The following RALYL variants were observed in gnomAD, a reference collection of about 807,000 sequenced individuals.
RALYL encodes the protein RNA-binding Raly-like protein.
A neutral mutation model predicts 35.1 loss-of-function variants in RALYL; 29 were observed. The ratio of observed to expected loss-of-function variants is 0.83; its 90% CI spans 0.61 to 1.13. The LOEUF (loss-of-function observed/expected upper bound fraction) is 1.13. Ranked by LOEUF, RALYL falls within the 50% of genes most tolerant of loss-of-function variation. The pLI, the probability that RALYL is intolerant of heterozygous loss-of-function variation, is 0.00. For synonymous variants in RALYL, 120 were observed against 127.6 expected, an observed-to-expected ratio of 0.94 and a Z score of 0.40; for missense variants, 359 against 360.4, an observed-to-expected ratio of 1.00 and a Z score of 0.03.
intron 2 of RALYL, among the ~76,000 whole-genome samples, chr8:84,618,385 G>T (rs1178630419): frequency 6.6e-6 from 1 of 151,384 alleles, no homozygotes; most frequent in Non-Finnish European, 1.5e-5. Context: ...TTGCATAGAG[G>T]TGTTTGTAGT....
chr8:84,706,733 C>T (rs1841286420), intron 2 of RALYL, among the ~76,000 whole-genome samples: 1 of 152,090 alleles, frequency 6.6e-6, no homozygotes, highest in Admixed American at 6.6e-5. Flanking sequence ...GAACTGAAAG[C>T]TATCAGGATC....
intron 3 of RALYL, among the ~76,000 whole-genome samples, chr8:84,792,600 C>T (rs899696804): frequency 7.9e-5 from 12 of 152,124 alleles, no homozygotes; most frequent in African/African-American, 2.7e-4. Flanking sequence ...GTGGGCCCTT[C>T]GCTGGGGAAC....
intron 2 of RALYL, among the ~76,000 whole-genome samples, chr8:84,547,291 G>C (rs2060426140): frequency 6.6e-6 from 1 of 152,016 alleles, no homozygotes; most frequent in Non-Finnish European, 1.5e-5. Flanking sequence ...TCTGGCACTT[G>C]ATATGCTATA....
chr8:84,893,943 C>A (rs1587024573), intron 8 of RALYL, among the ~76,000 whole-genome samples: 2 of 152,160 alleles, frequency 1.3e-5, no homozygotes, highest in East Asian at 3.9e-4. Flanking sequence ...AAGCTGAGTA[C>A]TACGTTGTAA....
intron 1 of RALYL, among the ~76,000 whole-genome samples, chr8:84,508,226 T>A (rs1478621509): frequency 6.6e-6 from 1 of 152,156 alleles, no homozygotes; most frequent in Non-Finnish European, 1.5e-5. Context: ...CTCTAATTTA[T>A]AAACAGGATA....
At chr8:84,755,214 A>G (rs1263015284) in intron 2 of RALYL, among the ~76,000 whole-genome samples, 1 of 152,180 alleles carries the variant, frequency 6.6e-6, no homozygotes, top group Non-Finnish European at 1.5e-5. Flanking sequence ...GTGGCCCATC[A>G]GATAAAGAAG....
At chr8:84,595,870 GCT>G (rs1814406566) in intron 2 of RALYL, among the ~76,000 whole-genome samples, 1 of 148,660 alleles carries the variant, frequency 6.7e-6, no homozygotes, top group East Asian at 2.0e-4. Flanking sequence ...AAAACCACAC[GCT>G]CATGGGAACA....
intron 1 of RALYL, among the ~76,000 whole-genome samples, chr8:84,359,526 GT>G (rs1342058311): frequency 6.6e-6 from 1 of 151,932 alleles, no homozygotes; most frequent in East Asian, 1.9e-4. Context: ...TAAAAAAGAA[GT>G]ATTTTAGTCA....
At chr8:84,317,492 G>A (rs1843969012) in intron 1 of RALYL, among the ~76,000 whole-genome samples, 1 of 152,174 alleles carries the variant, frequency 6.6e-6, no homozygotes, top group Non-Finnish European at 1.5e-5. Context: ...GAGACTAGAT[G>A]TGTCTCTTTA....
At chr8:84,539,355 T>A (rs1564109374) in intron 2 of RALYL, among the ~76,000 whole-genome samples, 1 of 152,150 alleles carries the variant, frequency 6.6e-6, no homozygotes. Context: ...GATATCCAAT[T>A]AAGTCCTACT....
At chr8:84,254,445 G>A (rs1830825680) in intron 1 of RALYL, among the ~76,000 whole-genome samples, 1 of 152,082 alleles carries the variant, frequency 6.6e-6, no homozygotes, top group Non-Finnish European at 1.5e-5. Flanking sequence ...TTCTATAAAA[G>A]TCTGTGGGAT....
At chr8:84,754,122 G>T (rs890181791) in intron 2 of RALYL, among the ~76,000 whole-genome samples, 4 of 151,926 alleles carry the variant, frequency 2.6e-5, no homozygotes, top group African/African-American at 4.8e-5. Context: ...TTCTTTTGCT[G>T]CACAGAAGCT....
intron 2 of RALYL, among the ~76,000 whole-genome samples, chr8:84,652,811 C>T (rs575422831): frequency 9.5e-4 from 145 of 152,050 alleles, no homozygotes; most frequent in African/African-American, 2.7e-3. Context: ...GTTGCCTATC[C>T]GGCTTAGCAT....
At chr8:84,765,145 A>T (rs904804591) in intron 2 of RALYL, among the ~76,000 whole-genome samples, 7 of 152,106 alleles carry the variant, frequency 4.6e-5, no homozygotes, top group Admixed American at 2.6e-4. Context: ...CTGCTGCCAG[A>T]CAGATCTCTC....
At chr8:84,291,062 T>C (rs768051310) in intron 1 of RALYL, among the ~76,000 whole-genome samples, 1 of 152,196 alleles carries the variant, frequency 6.6e-6, no homozygotes, top group Non-Finnish European at 1.5e-5. Context: ...GTTGAAATAC[T>C]GAAATGAAAC....
chr8:84,450,457 A>G (rs2049340012), intron 1 of RALYL, among the ~76,000 whole-genome samples: 1 of 151,924 alleles, frequency 6.6e-6, no homozygotes, highest in Non-Finnish European at 1.5e-5. Flanking sequence ...AAATAGTAGC[A>G]GTACTCATTA....
At chr8:84,766,132 A>G (rs1362442512) in intron 2 of RALYL, among the ~76,000 whole-genome samples, 1 of 152,198 alleles carries the variant, frequency 6.6e-6, no homozygotes, top group Non-Finnish European at 1.5e-5. Flanking sequence ...AGTTGAATCC[A>G]TGGCAAATAA....
intron 8 of RALYL, among the ~76,000 whole-genome samples, chr8:84,893,656 TG>T (rs1844252171): frequency 6.6e-6 from 1 of 152,168 alleles, no homozygotes; most frequent in South Asian, 2.1e-4. Flanking sequence ...ACTCAATACC[TG>T]GGGTGCTAAA....
chr8:84,189,679 T>G (rs1196971762), intron 1 of RALYL, among the ~76,000 whole-genome samples: 3 of 152,110 alleles, frequency 2.0e-5, no homozygotes, highest in Non-Finnish European at 2.9e-5. Flanking sequence ...CTCATGTTTT[T>G]TTTTTTTTTC....
Sources: gnomAD v4.1 joint callset for allele counts (sites outside exome capture counted in the v4.1 genomes callset) on GRCh38, gnomAD v4.1.1 for gene constraint, MANE v1.5 for transcripts, NCBI Gene and HGNC (gene_info 2026-07-23, HGNC 2026-07-21) for gene names.